The following CNTN4 variants were observed in gnomAD, a reference collection of about 807,000 sequenced individuals.
CNTN4 encodes the protein contactin-4.
In CNTN4, 77 loss-of-function variants were observed where a neutral mutation model predicts 122.5. The observed-to-expected ratio is 0.63, with a 90% confidence interval of 0.52 to 0.76. The LOEUF is 0.76. Among genes scored for constraint, CNTN4 ranks in the 30% least tolerant of loss-of-function variants. The pLI is 0.00. For missense variants in CNTN4, 1,256 were observed against 1,259.1 expected, an observed-to-expected ratio of 1.00 and a Z score of 0.04; for synonymous variants, 512 against 447.0, an observed-to-expected ratio of 1.15 and a Z score of -1.83.
At chr3:2,287,997 A>G (rs1037829386) in intron 2 of CNTN4, among the ~76,000 whole-genome samples, 8 of 152,364 alleles carry the variant, frequency 5.3e-5, no homozygotes, top group Admixed American at 2.0e-4. Context: ...TGTGAGAGCC[A>G]GAATGATTTC....
chr3:2,630,586 G>A (rs1430942673), intron 4 of CNTN4, among the ~76,000 whole-genome samples: 2 of 151,914 alleles, frequency 1.3e-5, no homozygotes, highest in African/African-American at 4.8e-5. Flanking sequence ...ATTAGTACAC[G>A]AATCATAAAT....
chr3:2,205,649 G>T (rs1259805180), intron 2 of CNTN4, among the ~76,000 whole-genome samples: 2 of 152,012 alleles, frequency 1.3e-5, no homozygotes, highest in Admixed American at 6.6e-5. Context: ...ATTTAGTAAT[G>T]AATGACAAGG....
At chr3:2,116,288 T>TTA (rs1314575361) in intron 2 of CNTN4, among the ~76,000 whole-genome samples, 4 of 152,090 alleles carry the variant, frequency 2.6e-5, no homozygotes, top group South Asian at 4.1e-4. Context: ...CTTAGACATG[T>TTA]TATGAATGTC....
At chr3:2,989,128 G>C (rs910503598) in intron 14 of CNTN4, 2 of 152,322 alleles carry the variant, frequency 1.3e-5, no homozygotes, top group African/African-American at 4.8e-5. Flanking sequence ...GGCTGGAAGT[G>C]CTAAGTAACC....
intron 3 of CNTN4, among the ~76,000 whole-genome samples, chr3:2,408,278 T>G (rs2047109694): frequency 6.6e-6 from 1 of 152,210 alleles, no homozygotes; most frequent in African/African-American, 2.4e-5. Flanking sequence ...GATTCCTTTT[T>G]AATGAGGTCT....
intron 12 of CNTN4, among the ~76,000 whole-genome samples, chr3:2,905,466 AG>A (rs1351743896): frequency 1.3e-5 from 2 of 152,130 alleles, no homozygotes; most frequent in Non-Finnish European, 2.9e-5. Flanking sequence ...CTCTTTTATA[AG>A]GGCACTAATC....
At chr3:2,148,812 T>G (rs1239023109) in intron 2 of CNTN4, among the ~76,000 whole-genome samples, 1 of 144,032 alleles carries the variant, frequency 6.9e-6, no homozygotes, top group Non-Finnish European at 1.5e-5. Context: ...GTGTTAATAA[T>G]GTGGATCAGA....
intron 2 of CNTN4, among the ~76,000 whole-genome samples, chr3:2,254,122 G>A (rs2040485394): frequency 7.4e-6 from 1 of 134,266 alleles, no homozygotes; most frequent in Non-Finnish European, 1.5e-5. Flanking sequence ...TCCCACTTAT[G>A]AGTGAGAACA....
intron 19 of CNTN4, 137 bp from the exon 20 acceptor site, chr3:3,039,900 A>G (rs1018909865): frequency 2.8e-6 from 2 of 716,572 alleles, no homozygotes; most frequent in Admixed American, 2.0e-5. Flanking sequence ...CCCTAAATTT[A>G]AAAGACTGTT....
intron 3 of CNTN4, among the ~76,000 whole-genome samples, chr3:2,405,052 G>T (rs2046984687): frequency 6.6e-6 from 1 of 152,114 alleles, no homozygotes; most frequent in African/African-American, 2.4e-5. Flanking sequence ...CATAATAAAA[G>T]ATAACAAGCC....
chr3:2,489,479 C>A (rs2076253756), intron 3 of CNTN4, among the ~76,000 whole-genome samples: 1 of 152,194 alleles, frequency 6.6e-6, no homozygotes, highest in East Asian at 1.9e-4. Flanking sequence ...CCATATTAAA[C>A]CAGAAGCCTC....
At chr3:2,575,809 C>CTTTTTTTTTTTTTTTTTT (rs56303805) in intron 4 of CNTN4, among the ~76,000 whole-genome samples, 1 of 101,250 alleles carries the variant, frequency 9.9e-6, no homozygotes, top group African/African-American at 3.7e-5. Flanking sequence ...TCTTCTTCTT[C>CTTTTTTTTTTTTTTTTTT]TTTTTTTTTT....
chr3:3,004,612 C>A (rs538647694), intron 14 of CNTN4, among the ~76,000 whole-genome samples: 2 of 152,214 alleles, frequency 1.3e-5, no homozygotes, highest in Admixed American at 1.3e-4. Flanking sequence ...GTTGAAAGTG[C>A]GTTTGTAAAA....
intron 2 of CNTN4, among the ~76,000 whole-genome samples, chr3:2,188,967 A>T (rs1162741273): frequency 1.3e-5 from 2 of 152,170 alleles, no homozygotes; most frequent in Non-Finnish European, 2.9e-5. Flanking sequence ...GATGCTATGT[A>T]CACTGCAGCT....
At chr3:2,439,486 G>A (rs1364399473) in intron 3 of CNTN4, among the ~76,000 whole-genome samples, 1 of 152,046 alleles carries the variant, frequency 6.6e-6, no homozygotes, top group Non-Finnish European at 1.5e-5. Flanking sequence ...CCTCATGTCA[G>A]TGATGATCGA....
chr3:2,836,411 CTTAT>C (rs1000861603), intron 7 of CNTN4, among the ~76,000 whole-genome samples: 50 of 152,268 alleles, frequency 3.3e-4, no homozygotes, highest in African/African-American at 1.2e-3. Flanking sequence ...ATGCCTCTCT[CTTAT>C]TTATGAATGT....
At chr3:2,120,405 A>ATATTT (rs1428527983) in intron 2 of CNTN4, among the ~76,000 whole-genome samples, 124 of 40,718 alleles carry the variant, frequency 3.0e-3, no homozygotes, top group Middle Eastern at 0.018. Flanking sequence ...ATATATATAT[A>ATATTT]TTTTTTTTTT....
chr3:2,540,275 A>G (rs73114242), intron 3 of CNTN4, among the ~76,000 whole-genome samples: 91 of 152,174 alleles, frequency 6.0e-4, no homozygotes, highest in African/African-American at 2.0e-3. Flanking sequence ...TTGAATGGTA[A>G]CAGGCACCCA....
chr3:2,480,951 C>G lies in CNTN4; in HGVS notation c.-88-90465C>G, dbSNP rs183285827. ...AATATATCCACATCAATATAGTTAG[C>G]TAATCTTTGACAAAGGAGTAAAGGC... On this transcript the variant is annotated intron_variant, in intron 3 of 24. Coordinates refer to ENST00000418658, the MANE Select transcript of CNTN4 (RefSeq NM_175607.3). 1.5e-3 allele frequency among the ~76,000 whole-genome samples: 232 copies of G among 152,194 alleles called. 1 individual carries two copies. The highest frequency in any genetic ancestry group is 5.5e-3 in the African/African-American group (228 of 41,526).
Sources: gnomAD v4.1 joint callset for allele counts (sites outside exome capture counted in the v4.1 genomes callset) on GRCh38, gnomAD v4.1.1 for gene constraint, MANE v1.5 for transcripts, NCBI Gene and HGNC (gene_info 2026-07-23, HGNC 2026-07-21) for gene names.